The following CARMIL1 variants were observed in gnomAD, a reference collection of about 807,000 sequenced individuals.
CARMIL1 encodes the protein F-actin-uncapping protein LRRC16A.
Under a neutral mutation model 177.1 loss-of-function variants are expected in CARMIL1, and 90 were observed. That is an observed-to-expected ratio of 0.51 (90% confidence interval 0.43 to 0.61). The LOEUF (loss-of-function observed/expected upper bound fraction) is 0.61, where lower values mean the gene tolerates loss of function less well. Among genes scored for constraint, CARMIL1 ranks in the 20% least tolerant of loss-of-function variants. The probability of loss-of-function intolerance (pLI) is 0.00; values close to 1 mark genes in which losing one functional copy is unlikely to be tolerated. For missense variants in CARMIL1, 1,380 were observed against 1,667.0 expected, an observed-to-expected ratio of 0.83 and a Z score of 3.00; for synonymous variants, 577 against 606.2, an observed-to-expected ratio of 0.95 and a Z score of 0.71.
chr6:25,293,729 C>T (rs1219257754), intron 2 of CARMIL1, among the ~76,000 whole-genome samples: 1 of 151,976 alleles, frequency 6.6e-6, no homozygotes. Flanking sequence ...TTCCCTTCCC[C>T]CTTCCTCTTC....
chr6:25,556,805 G>A lies in CARMIL1; in HGVS notation c.2697G>A (p.Glu899=). 2 of 1,613,630 alleles carry A rather than the reference G, an allele frequency of 1.2e-6. No homozygotes were observed. Among genetic ancestry groups the A allele is most frequent in the South Asian group, 1.1e-5 (1 of 91,078 alleles). Reference sequence around the variant, plus strand: ...TTAAACGTTCCATCATCACAGTGGAGGAGCTAACAGAGATAGAGCGTTTGG... The same window carrying A: ...TTAAACGTTCCATCATCACAGTGGAAGAGCTAACAGAGATAGAGCGTTTGG... The part of the protein sequence containing the change: ...KPVKRSIITV[E]ELTEIERLED... Residue 899 remains glutamate (E), a synonymous_variant, in exon 29 of 37, where the codon GAG becomes GAA. Transcript: ENST00000329474.
chr6:25,417,976 A>G (rs1795507018), intron 2 of CARMIL1, among the ~76,000 whole-genome samples: 1 of 151,766 alleles, frequency 6.6e-6, no homozygotes, highest in South Asian at 2.1e-4. Context: ...ATGGCTTGCA[A>G]TCTGTACAGT....
chr6:25,359,134 C>T (rs1332446241), intron 2 of CARMIL1, among the ~76,000 whole-genome samples: 1 of 152,130 alleles, frequency 6.6e-6, no homozygotes, highest in Admixed American at 6.5e-5. Flanking sequence ...ATAGAAGGCT[C>T]TCTCTTGGCT....
At chr6:25,343,316 CTTTTT>C (rs5875030) in intron 2 of CARMIL1, among the ~76,000 whole-genome samples, 1 of 135,442 alleles carries the variant, frequency 7.4e-6, no homozygotes, top group Non-Finnish European at 1.6e-5. Context: ...AGTATTTTTG[CTTTTT>C]TTTTTTTTTT....
At chr6:25,301,093 C>G (rs1484053732) in intron 2 of CARMIL1, among the ~76,000 whole-genome samples, 1 of 152,146 alleles carries the variant, frequency 6.6e-6, no homozygotes, top group Non-Finnish European at 1.5e-5. Flanking sequence ...GTTTGGTGGC[C>G]ATAGCTGCTT....
intron 2 of CARMIL1, among the ~76,000 whole-genome samples, chr6:25,357,389 C>G (rs926935856): frequency 6.6e-6 from 1 of 152,116 alleles, no homozygotes; most frequent in African/African-American, 2.4e-5. Flanking sequence ...CGAGACCACC[C>G]TGGCCAACAT....
chr6:25,527,222 G>A (rs931247721), intron 23 of CARMIL1, among the ~76,000 whole-genome samples: 6 of 152,304 alleles, frequency 3.9e-5, no homozygotes, highest in African/African-American at 1.4e-4. Flanking sequence ...AATGGTACAT[G>A]CAAGCAAAGT....
chr6:25,529,712 CAGTCCG>C (rs547426968), intron 24 of CARMIL1, among the ~76,000 whole-genome samples: 1,035 of 43,912 alleles, frequency 0.024, 10 homozygotes, highest in Non-Finnish European at 0.037. Flanking sequence ...TGCGCCACTG[CAGTCCG>C]CAGTCCGGCC....
chr6:25,431,698 A>C (rs937627860), intron 4 of CARMIL1, among the ~76,000 whole-genome samples: 3 of 151,918 alleles, frequency 2.0e-5, no homozygotes, highest in African/African-American at 7.3e-5. Flanking sequence ...TTGATGCAGC[A>C]AGACTAATTT....
intron 24 of CARMIL1, among the ~76,000 whole-genome samples, chr6:25,529,309 C>T (rs922375411): frequency 4.6e-5 from 7 of 151,716 alleles, no homozygotes; most frequent in African/African-American, 9.7e-5. Context: ...AAAAAAATTC[C>T]GAGATTCTTT....
At chr6:25,525,292 C>T (rs751137969) in intron 23 of CARMIL1, among the ~76,000 whole-genome samples, 4 of 152,102 alleles carry the variant, frequency 2.6e-5, no homozygotes, top group Admixed American at 6.5e-5. Context: ...CTCTTTTTGT[C>T]AGAAACCATG....
At chr6:25,482,366 A>G (rs1202381280) in intron 12 of CARMIL1, 23 bp downstream of exon 12, 2 of 1,174,056 alleles carry the variant, frequency 1.7e-6, no homozygotes, top group Non-Finnish European at 2.4e-6. Context: ...TTATTTACCT[A>G]AGAGTGTGTC....
intron 17 of CARMIL1, among the ~76,000 whole-genome samples, chr6:25,505,185 T>C (rs545857051): frequency 1.3e-5 from 2 of 152,340 alleles, no homozygotes; most frequent in Non-Finnish European, 2.9e-5. Flanking sequence ...GACAAATTCT[T>C]CTTGAAACCT....
At chr6:25,597,929 T>C (rs1443356301) in intron 32 of CARMIL1, among the ~76,000 whole-genome samples, 1 of 152,226 alleles carries the variant, frequency 6.6e-6, no homozygotes, top group African/African-American at 2.4e-5. Flanking sequence ...TCCTCCATTA[T>C]CTTCTAGCTT....
intron 2 of CARMIL1, among the ~76,000 whole-genome samples, chr6:25,370,543 A>C (rs1232905049): frequency 6.6e-6 from 1 of 152,156 alleles, no homozygotes; most frequent in Non-Finnish European, 1.5e-5. Flanking sequence ...TGCTCTTAAG[A>C]GCAAAGGACA....
intron 3 of CARMIL1, among the ~76,000 whole-genome samples, chr6:25,421,566 A>C (rs1200064125): frequency 2.0e-5 from 3 of 151,938 alleles, no homozygotes; most frequent in African/African-American, 4.8e-5. Context: ...TATAAAGACA[A>C]ATGCACACGT....
At chr6:25,493,809 A>G (rs2151003153) in intron 15 of CARMIL1, among the ~76,000 whole-genome samples, 1 of 152,342 alleles carries the variant, frequency 6.6e-6, no homozygotes, top group Non-Finnish European at 1.5e-5. Flanking sequence ...GAGAAGAAAT[A>G]TATTTAGAGT....
intron 31 of CARMIL1, among the ~76,000 whole-genome samples, chr6:25,594,164 CCAAGCTTCTGATGTACCAGTCA>C (rs1814592223): frequency 6.6e-6 from 1 of 152,184 alleles, no homozygotes; most frequent in African/African-American, 2.4e-5. Context: ...TCTGTTAGGT[CCAAGCTTCTGATGTACCAGTCA>C]GCATGAATCT....
chr6:25,384,370 T>C (rs1447072460), intron 2 of CARMIL1, among the ~76,000 whole-genome samples: 1 of 152,230 alleles, frequency 6.6e-6, no homozygotes, highest in Non-Finnish European at 1.5e-5. Context: ...GTGTCAAAGG[T>C]GGCTGCCTCA....
Sources: allele counts gnomAD v4.1 joint callset (sites outside exome capture counted in the v4.1 genomes callset), GRCh38; gene constraint gnomAD v4.1.1; transcripts MANE v1.5; gene names NCBI Gene and HGNC (gene_info 2026-07-23, HGNC 2026-07-21).